The following EIF4G3 variants were observed in gnomAD, a reference collection of about 807,000 sequenced individuals.
The protein encoded by EIF4G3 is eukaryotic translation initiation factor 4 gamma 3, also known as eIF-4-gamma 3.
EIF4G3 carries 34 observed loss-of-function variants against 186.4 expected under a neutral mutation model. The observed-to-expected ratio is 0.18, with a 90% CI of 0.14 to 0.24. The LOEUF (loss-of-function observed/expected upper bound fraction) is 0.24. Ranked by LOEUF, EIF4G3 falls within the 10% of genes least tolerant of loss-of-function variation. EIF4G3 has a pLI of 1.00. For missense variants in EIF4G3, 1,536 were observed against 1,948.5 expected (o/e 0.79, Z 3.99); for synonymous variants, 673 against 679.5 (o/e 0.99, Z 0.15).
intron 12 of EIF4G3, among the ~76,000 whole-genome samples, chr1:20,958,136 A>G (rs2096483098): frequency 6.6e-6 from 1 of 152,172 alleles, no homozygotes; most frequent in South Asian, 2.1e-4. Flanking sequence ...GAACACAGAT[A>G]TAAAAACTGT....
At chr1:20,881,597 G>A (rs997137440) in intron 19 of EIF4G3, among the ~76,000 whole-genome samples, 2 of 151,584 alleles carry the variant, frequency 1.3e-5, no homozygotes, top group South Asian at 4.2e-4. Flanking sequence ...GACCAGCCTG[G>A]GCAACATGGC....
chr1:21,036,843 T>A (rs2093247735), intron 4 of EIF4G3, among the ~76,000 whole-genome samples: 1 of 152,158 alleles, frequency 6.6e-6, no homozygotes, highest in Non-Finnish European at 1.5e-5. Context: ...ATCGTGCCAC[T>A]GCACTCCAAC....
chr1:20,895,552 C>T (rs762431969), intron 16 of EIF4G3, 51 bp from the exon 17 acceptor site: 5 of 1,560,390 alleles, frequency 3.2e-6, no homozygotes, highest in East Asian at 2.3e-5. Flanking sequence ...TATATACAGT[C>T]ATGCATTGCA....
In EIF4G3 at chr1:20,807,309, A is replaced by G; in HGVS notation, c.*10T>C. On this transcript the variant is annotated 3_prime_UTR_variant, in exon 37 of 37. Transcript: ENST00000602326. ...TTGTTTCTTTTGTTTCATTTTGTGTATTTGAAGTTTTAGTTATCCTCAGAC... is the reference window on the plus strand; with the variant it reads ...TTGTTTCTTTTGTTTCATTTTGTGTGTTTGAAGTTTTAGTTATCCTCAGAC... 4 of 1,556,734 alleles carry G rather than the reference A, an allele frequency of 2.6e-6. No homozygotes were observed. Among genetic ancestry groups the G allele is most frequent in the Non-Finnish European group, 3.5e-6 (4 of 1,147,002 alleles).
At chr1:21,170,542 G>A (rs554788991) in intron 2 of EIF4G3, among the ~76,000 whole-genome samples, 63 of 151,666 alleles carry the variant, frequency 4.2e-4, no homozygotes, top group Admixed American at 1.7e-3. Flanking sequence ...GTGATGGCGC[G>A]CACCTGTAAT....
intron 2 of EIF4G3, among the ~76,000 whole-genome samples, chr1:21,155,866 C>T (rs2097650141): frequency 6.6e-6 from 1 of 152,132 alleles, no homozygotes; most frequent in African/African-American, 2.4e-5. Context: ...GTGGCTCAGG[C>T]CTGTAATCCC....
rs575533722 is a variant in EIF4G3, at chr1:20,992,568, C to T, written c.177+5033G>A. Among the ~76,000 whole-genome samples, 27 of 152,254 alleles carry T rather than the reference C, an allele frequency of 1.8e-4. No homozygotes were observed. The South Asian group carries it at 5.4e-3, about 30-fold the overall frequency. On this transcript the variant is annotated intron_variant, in intron 7 of 36. Coordinates refer to ENST00000602326, the MANE Select transcript of EIF4G3 (RefSeq NM_001391906.1). Reference sequence around the variant, plus strand: ...CTCCTCCTCCTGCTGATAGTGTACGCTGGTTTTATGAAGCTCATTATTTGT... The same window carrying T: ...CTCCTCCTCCTGCTGATAGTGTACGTTGGTTTTATGAAGCTCATTATTTGT...
chr1:21,153,493 A>G (rs1340341117), intron 2 of EIF4G3, among the ~76,000 whole-genome samples: 1 of 152,208 alleles, frequency 6.6e-6, no homozygotes, highest in Non-Finnish European at 1.5e-5. Context: ...AATGCTGGAT[A>G]CTATGGTTGT....
chr1:21,043,762 C>T (rs569518677), intron 4 of EIF4G3, among the ~76,000 whole-genome samples: 1 of 151,644 alleles, frequency 6.6e-6, no homozygotes, highest in African/African-American at 2.4e-5. Flanking sequence ...GTCCCAGCTA[C>T]TCTCAGGAGG....
At chr1:20,853,928 G>A (rs935499052) in intron 26 of EIF4G3, among the ~76,000 whole-genome samples, 5 of 152,170 alleles carry the variant, frequency 3.3e-5, no homozygotes, top group African/African-American at 1.2e-4. Context: ...AGGGGTGGGA[G>A]TGGCATATAG....
chr1:20,957,088 C>T (rs1016592616), intron 12 of EIF4G3, among the ~76,000 whole-genome samples: 1 of 152,054 alleles, frequency 6.6e-6, no homozygotes, highest in African/African-American at 2.4e-5. Flanking sequence ...CAAGACAATA[C>T]ACATCTGCAA....
intron 20 of EIF4G3, among the ~76,000 whole-genome samples, chr1:20,869,774 CAAAA>C (rs35907806): frequency 4.1e-5 from 2 of 48,626 alleles, no homozygotes; most frequent in Admixed American, 2.2e-4. Flanking sequence ...GACTACGTCT[CAAAA>C]AAAAAAAAAA....
chr1:20,889,131 G>A (rs2085136680), intron 18 of EIF4G3, among the ~76,000 whole-genome samples: 1 of 152,170 alleles, frequency 6.6e-6, no homozygotes, highest in African/African-American at 2.4e-5. Flanking sequence ...TTTCAAAAAT[G>A]TATTATGAAA....
chr1:20,940,733 T>C (rs1450775935), intron 14 of EIF4G3, among the ~76,000 whole-genome samples: 1 of 152,234 alleles, frequency 6.6e-6, no homozygotes, highest in East Asian at 1.9e-4. Flanking sequence ...AAAACTTCAA[T>C]ATTCCTATGG....
At chr1:20,995,333 A>G (rs1385995038) in intron 7 of EIF4G3, among the ~76,000 whole-genome samples, 1 of 152,178 alleles carries the variant, frequency 6.6e-6, no homozygotes, top group Non-Finnish European at 1.5e-5. Context: ...ACTAGTCTTA[A>G]TAAGAAAGGC....
chr1:21,002,197 T>C (rs1445261436), intron 5 of EIF4G3, among the ~76,000 whole-genome samples: 1 of 152,260 alleles, frequency 6.6e-6, no homozygotes, highest in Non-Finnish European at 1.5e-5. Context: ...TCACAATTTA[T>C]TTCTCATTTG....
intron 4 of EIF4G3, among the ~76,000 whole-genome samples, chr1:21,021,259 T>C (rs1003949051): frequency 1.3e-5 from 2 of 152,012 alleles, no homozygotes; most frequent in African/African-American, 4.8e-5. Context: ...GCTGGGATTA[T>C]AGTCATAAAC....
At chr1:21,071,513 T>C (rs2095439343) in intron 3 of EIF4G3, among the ~76,000 whole-genome samples, 1 of 152,190 alleles carries the variant, frequency 6.6e-6, no homozygotes, top group Non-Finnish European at 1.5e-5. Flanking sequence ...TATCCACTAC[T>C]ACCATCTGCA....
chr1:21,172,539 C>A (rs1031240804), intron 2 of EIF4G3, among the ~76,000 whole-genome samples: 1 of 152,094 alleles, frequency 6.6e-6, no homozygotes, highest in South Asian at 2.1e-4. Context: ...CAAAATGTGG[C>A]AATCCTATTT....
Sources: allele counts gnomAD v4.1 joint callset (sites outside exome capture counted in the v4.1 genomes callset), GRCh38; gene constraint gnomAD v4.1.1; transcripts MANE v1.5; gene names NCBI Gene and HGNC (gene_info 2026-07-23, HGNC 2026-07-21).